The following CDK6 variants were observed in gnomAD, a reference collection of about 807,000 sequenced individuals.
CDK6 encodes the protein cyclin dependent kinase 6.
A neutral mutation model predicts 37.1 loss-of-function variants in CDK6; 6 were observed. The observed-to-expected ratio is 0.16, with a 90% CI of 0.09 to 0.32. The LOEUF (loss-of-function observed/expected upper bound fraction) is 0.32. Ranked by LOEUF, CDK6 falls within the 10% of genes least tolerant of loss-of-function variation. The probability of loss-of-function intolerance (pLI) is 1.00; values close to 1 mark genes in which losing one functional copy is unlikely to be tolerated. For missense variants in CDK6, 224 were observed against 418.9 expected (o/e 0.53, Z 4.06); for synonymous variants, 160 against 161.3 (o/e 0.99, Z 0.06).
chr7:92,785,171 G>A (rs1289134023), intron 2 of CDK6, among the ~76,000 whole-genome samples: 1 of 152,126 alleles, frequency 6.6e-6, no homozygotes. Context: ...ACAAGGTGTG[G>A]TATATCCATA....
intron 2 of CDK6, among the ~76,000 whole-genome samples, chr7:92,821,679 T>C (rs974891604): frequency 2.6e-5 from 4 of 151,770 alleles, no homozygotes; most frequent in African/African-American, 9.7e-5. Flanking sequence ...TTTCCCTTTC[T>C]TTTCCTTAAT....
chr7:92,607,207 A>G lies in CDK6; in HGVS notation c.*7933T>C. The stretch of plus-strand genomic sequence containing the variant: ...GTACTGCCTGTTCCCACTACTCCAC[A>G]TGACACCTACGAGGGCACTACATCA... On this transcript the variant is annotated 3_prime_UTR_variant, in exon 8 of 8. Coordinates refer to ENST00000424848, the MANE Select transcript of CDK6 (RefSeq NM_001145306.2). 2 of 233,588 alleles carry G rather than the reference A, an allele frequency of 8.6e-6. No homozygotes were observed. The highest frequency in any genetic ancestry group is 1.7e-5 in the Non-Finnish European group (2 of 118,016). The allele number at this position is 233,588 out of a possible 1,614,324, so 14.5% of individuals were successfully genotyped here. A position where few individuals can be genotyped will look rare whatever the true frequency, so the allele number is the denominator to read the frequency against.
In CDK6 at chr7:92,613,437, C is replaced by T. The variant is rs928636785; in HGVS notation, c.*1703G>A. 1 of 233,596 alleles carries T rather than the reference C, an allele frequency of 4.3e-6. No homozygotes were observed. Among genetic ancestry groups the T allele is most frequent in the Non-Finnish European group, 8.5e-6 (1 of 118,052 alleles). 14.5% of individuals were successfully genotyped at this position (233,596 alleles called of 1,614,324 possible). On this transcript the variant is annotated 3_prime_UTR_variant, in exon 8 of 8. Coordinates refer to ENST00000424848, the MANE Select transcript of CDK6 (RefSeq NM_001145306.2). ...AGGTGGCTAAACTTTCCAAAAGATA[C>T]TTTCTGTGTCCTCTGGTTACTAGAG... is the stretch of plus-strand genomic sequence containing the variant.
At chr7:92,679,171 T>G (rs915797047) in intron 4 of CDK6, among the ~76,000 whole-genome samples, 1 of 152,216 alleles carries the variant, frequency 6.6e-6, no homozygotes, top group Admixed American at 6.5e-5. Context: ...GTTGGGACCC[T>G]GGCTGATACA....
At chr7:92,815,428 G>A (rs1412826403) in intron 2 of CDK6, among the ~76,000 whole-genome samples, 1 of 152,194 alleles carries the variant, frequency 6.6e-6, no homozygotes, top group Admixed American at 6.5e-5. Flanking sequence ...ATACAAGGCA[G>A]TAAGGGAGCA....
chr7:92,657,734 T>C (rs1267246304), intron 5 of CDK6, among the ~76,000 whole-genome samples: 2 of 152,200 alleles, frequency 1.3e-5, no homozygotes, highest in Non-Finnish European at 2.9e-5. Context: ...CTTAATATTT[T>C]TGACACAGTC....
At chr7:92,770,844 C>A (rs1799696439) in intron 3 of CDK6, among the ~76,000 whole-genome samples, 1 of 152,002 alleles carries the variant, frequency 6.6e-6, no homozygotes, top group African/African-American at 2.4e-5. Flanking sequence ...ACAGAAAACA[C>A]AACACTGGGT....
chr7:92,734,558 G>GT (rs1798737020), intron 3 of CDK6, among the ~76,000 whole-genome samples: 1 of 152,108 alleles, frequency 6.6e-6, no homozygotes, highest in African/African-American at 2.4e-5. Context: ...CCACCACATT[G>GT]TACTAATGGG....
intron 5 of CDK6, among the ~76,000 whole-genome samples, chr7:92,624,803 C>T (rs1309101784): frequency 6.6e-6 from 1 of 151,966 alleles, no homozygotes; most frequent in Non-Finnish European, 1.5e-5. Context: ...TGCCAAGTGC[C>T]CCAAACATAA....
chr7:92,821,890 C>G (rs1237226462), intron 2 of CDK6, among the ~76,000 whole-genome samples: 1 of 151,952 alleles, frequency 6.6e-6, no homozygotes, highest in Non-Finnish European at 1.5e-5. Context: ...GGACTGGCCA[C>G]TTGGGCTTCA....
chr7:92,623,158 A>G (rs958656323), intron 5 of CDK6, 72 bp from the exon 6 acceptor site: 18 of 1,048,746 alleles, frequency 1.7e-5, no homozygotes, highest in Non-Finnish European at 1.4e-6. Flanking sequence ...TGCCATTATC[A>G]TTGTTTCACA....
At chr7:92,731,705 G>A (rs1798655069) in intron 3 of CDK6, among the ~76,000 whole-genome samples, 2 of 151,842 alleles carry the variant, frequency 1.3e-5, no homozygotes, top group African/African-American at 2.4e-5. Flanking sequence ...TCCTGGAAGT[G>A]ATGATAATGC....
chr7:92,664,214 C>G (rs1345897612), intron 5 of CDK6, among the ~76,000 whole-genome samples: 1 of 151,856 alleles, frequency 6.6e-6, no homozygotes. Flanking sequence ...AAAACAAAAA[C>G]AGAGTCTAGG....
At chr7:92,724,449 C>G (rs185110262) in intron 4 of CDK6, among the ~76,000 whole-genome samples, 14 of 152,170 alleles carry the variant, frequency 9.2e-5, no homozygotes, top group African/African-American at 3.4e-4. Context: ...ACTGGTCTTA[C>G]GTGTCTAGGT....
chr7:92,770,178 C>T (rs1298042700), intron 3 of CDK6, among the ~76,000 whole-genome samples: 1 of 152,114 alleles, frequency 6.6e-6, no homozygotes, highest in South Asian at 2.1e-4. Context: ...CTGTTGACTT[C>T]ACAGGACAGC....
At chr7:92,782,760 G>A (rs766660292) in intron 2 of CDK6, among the ~76,000 whole-genome samples, 1 of 152,168 alleles carries the variant, frequency 6.6e-6, no homozygotes, top group Non-Finnish European at 1.5e-5. Context: ...TAAAGTCAGT[G>A]TTTTGCTTAT....
chr7:92,701,316 T>G (rs995946291), intron 4 of CDK6, among the ~76,000 whole-genome samples: 1 of 152,208 alleles, frequency 6.6e-6, no homozygotes, highest in Non-Finnish European at 1.5e-5. Flanking sequence ...CTGATGGAAT[T>G]CACATTCAAA....
chr7:92,646,379 GTTTTCTTTTTTCT>G (rs1332181742), intron 5 of CDK6, among the ~76,000 whole-genome samples: 1 of 151,328 alleles, frequency 6.6e-6, no homozygotes, highest in Non-Finnish European at 1.5e-5. Context: ...CACCTGGTAG[GTTTTCTTTTTTCT>G]TTTTCTTTTT....
At chr7:92,823,709 C>T (rs149350053) in intron 2 of CDK6, among the ~76,000 whole-genome samples, 18 of 152,152 alleles carry the variant, frequency 1.2e-4, no homozygotes, top group Non-Finnish European at 1.6e-4. Context: ...CAACTTGAAA[C>T]GACTCAGACA....
Sources: gnomAD v4.1 joint callset for allele counts (sites outside exome capture counted in the v4.1 genomes callset) on GRCh38, gnomAD v4.1.1 for gene constraint, MANE v1.5 for transcripts, NCBI Gene and HGNC (gene_info 2026-07-23, HGNC 2026-07-21) for gene names.